PLCB1: variants seen among roughly 807,000 people sequenced by gnomAD.
PLCB1 encodes phospholipase C beta 1, also known as 1-phosphatidylinositol 4,5-bisphosphate phosphodiesterase beta-1.
PLCB1 carries 46 observed loss-of-function variants against 161.8 expected under a neutral mutation model. The ratio of observed to expected loss-of-function variants is 0.28; its 90% confidence interval spans 0.22 to 0.36. PLCB1 has a LOEUF of 0.36. PLCB1 is among the 10% of genes least tolerant of loss of function. PLCB1 has a pLI of 1.00. For synonymous variants in PLCB1, 517 were observed against 503.7 expected, an observed-to-expected ratio of 1.03 and a Z score of -0.35; for missense variants, 1,016 against 1,472.5, an observed-to-expected ratio of 0.69 and a Z score of 5.07.
intron 3 of PLCB1, among the ~76,000 whole-genome samples, chr20:8,575,481 A>G (rs1010466708): frequency 6.6e-6 from 1 of 152,232 alleles, no homozygotes; most frequent in Non-Finnish European, 1.5e-5. Context: ...TTGGCAAAGG[A>G]GCATCATGCG....
intron 2 of PLCB1, among the ~76,000 whole-genome samples, chr20:8,299,150 A>G (rs546955803): frequency 6.6e-6 from 1 of 152,212 alleles, no homozygotes; most frequent in South Asian, 2.1e-4. Flanking sequence ...GCTGCATCAC[A>G]CACCAAATGT....
At chr20:8,765,510 G>C in intron 26 of PLCB1, 152 bp downstream of exon 26, 1 of 620,776 alleles carries the variant, frequency 1.6e-6, no homozygotes, top group Non-Finnish European at 2.8e-6. Flanking sequence ...CCTTAGCCCA[G>C]ATTTGCTTGT....
intron 31 of PLCB1, among the ~76,000 whole-genome samples, chr20:8,827,189 G>A (rs117775772): frequency 0.012 from 1,892 of 152,260 alleles, 25 homozygotes; most frequent in Middle Eastern, 0.034. Flanking sequence ...CTTACTAAGT[G>A]GTAGGCATTT....
In PLCB1 at chr20:8,760,380, C is replaced by T. The variant is rs2064286; in HGVS notation, c.2657-27C>T. 430,115 of 1,430,670 alleles carry T rather than the reference C, an allele frequency of 0.3. 66,046 individuals carry two copies. The highest frequency in any genetic ancestry group is 0.42 in the Middle Eastern group (2,363 of 5,640). 88.6% of individuals were successfully genotyped at this position (1,430,670 alleles called of 1,614,324 possible). A position where few individuals can be genotyped will look rare whatever the true frequency, so the allele number is the denominator to read the frequency against. ...AATAAAATTTAAAAAGTTGAAGAGG[C>T]TATTTATTTTATCTTTTATATTACA... On this transcript the variant is annotated intron_variant, in intron 24 of 31. Coordinates refer to ENST00000338037, the MANE Select transcript of PLCB1 (RefSeq NM_015192.4).
chr20:8,225,087 C>T (rs551865054), intron 2 of PLCB1, among the ~76,000 whole-genome samples: 6 of 152,110 alleles, frequency 3.9e-5, no homozygotes, highest in Non-Finnish European at 7.3e-5. Flanking sequence ...CTCTGCTGTC[C>T]CCAAGGCAAT....
chr20:8,200,030 C>G (rs1005940284), intron 2 of PLCB1, among the ~76,000 whole-genome samples: 6 of 152,072 alleles, frequency 3.9e-5, no homozygotes, highest in African/African-American at 1.4e-4. Context: ...GTTCTTGCCA[C>G]TGCATTTTAT....
chr20:8,684,910 T>C (rs1382970088), intron 9 of PLCB1, 22 bp from the exon 10 acceptor site: 14 of 1,604,310 alleles, frequency 8.7e-6, no homozygotes, highest in South Asian at 1.1e-5. Flanking sequence ...ATTCACATCC[T>C]TTCTAACTTC....
chr20:8,587,075 C>T (rs1423129567), intron 3 of PLCB1, among the ~76,000 whole-genome samples: 2 of 151,988 alleles, frequency 1.3e-5, no homozygotes, highest in African/African-American at 2.4e-5. Flanking sequence ...TACTTTTACC[C>T]ACCATAAATG....
chr20:8,614,476 A>G (rs1987993383), intron 3 of PLCB1, among the ~76,000 whole-genome samples: 1 of 152,060 alleles, frequency 6.6e-6, no homozygotes, highest in Non-Finnish European at 1.5e-5. Context: ...TACAGAACCA[A>G]ATTAAGAGGG....
intron 4 of PLCB1, among the ~76,000 whole-genome samples, chr20:8,634,161 CTTG>C (rs1272739769): frequency 6.6e-6 from 1 of 152,126 alleles, no homozygotes; most frequent in Non-Finnish European, 1.5e-5. Context: ...TTTTCTCAAA[CTTG>C]TTGAGCCATT....
At chr20:8,742,948 G>A (rs1400574803) in intron 23 of PLCB1, among the ~76,000 whole-genome samples, 1 of 152,222 alleles carries the variant, frequency 6.6e-6, no homozygotes, top group Non-Finnish European at 1.5e-5. Flanking sequence ...CTAATAGTTA[G>A]TTGGTGGAGT....
intron 31 of PLCB1, among the ~76,000 whole-genome samples, chr20:8,865,815 G>T (rs1987409588): frequency 6.6e-6 from 1 of 152,184 alleles, no homozygotes; most frequent in Non-Finnish European, 1.5e-5. Context: ...TGTAAACATT[G>T]TCCTTGGATT....
chr20:8,152,949 C>T (rs1217248477), intron 2 of PLCB1, among the ~76,000 whole-genome samples: 1 of 152,106 alleles, frequency 6.6e-6, no homozygotes, highest in African/African-American at 2.4e-5. Flanking sequence ...GCATGTCCGT[C>T]TCTTGTCATG....
At chr20:8,212,679 AG>A (rs1978890119) in intron 2 of PLCB1, among the ~76,000 whole-genome samples, 1 of 152,150 alleles carries the variant, frequency 6.6e-6, no homozygotes, top group Non-Finnish European at 1.5e-5. Context: ...CTTGGCCAAA[AG>A]CATTGTTCAC....
rs193198308 is a variant in PLCB1, at chr20:8,804,557, G to A, written c.3423+14296G>A. Among the ~76,000 whole-genome samples, 11 of 151,990 alleles carry A rather than the reference G, an allele frequency of 7.2e-5. No homozygotes were observed. In the East Asian group the frequency reaches 1.9e-3, roughly 27 times the overall value. ...TTTATATTTGAAAAAAGAACAAAAC[G>A]TTCTTTTATAATAGTGTATGGAAAA... On this transcript the variant is annotated intron_variant, in intron 31 of 31. Coordinates refer to ENST00000338037, the MANE Select transcript of PLCB1 (RefSeq NM_015192.4).
chr20:8,871,591 T>A (rs540567733), intron 31 of PLCB1, among the ~76,000 whole-genome samples: 1 of 152,352 alleles, frequency 6.6e-6, no homozygotes, highest in Non-Finnish European at 1.5e-5. Flanking sequence ...CGGATTCTAA[T>A]TTCTCCAGTC....
At chr20:8,280,710 G>A (rs1187368093) in intron 2 of PLCB1, among the ~76,000 whole-genome samples, 1 of 152,094 alleles carries the variant, frequency 6.6e-6, no homozygotes, top group African/African-American at 2.4e-5. Flanking sequence ...CCTGTTTTTT[G>A]ACATAGGTTA....
intron 2 of PLCB1, among the ~76,000 whole-genome samples, chr20:8,210,311 G>A (rs953647706): frequency 6.6e-6 from 1 of 152,072 alleles, no homozygotes; most frequent in African/African-American, 2.4e-5. Context: ...GGTAATGGAA[G>A]TCTGTTTTAT....
At chr20:8,735,127 G>T (rs1164736531) in intron 19 of PLCB1, among the ~76,000 whole-genome samples, 2 of 152,218 alleles carry the variant, frequency 1.3e-5, no homozygotes, top group East Asian at 3.8e-4. Context: ...AAACTCATAA[G>T]CTCCATGTAC....
Sources: allele counts gnomAD v4.1 joint callset (sites outside exome capture counted in the v4.1 genomes callset), GRCh38; gene constraint gnomAD v4.1.1; transcripts MANE v1.5; gene names NCBI Gene and HGNC (gene_info 2026-07-23, HGNC 2026-07-21).